The following TBC1D8 variants were observed in gnomAD, a reference collection of about 807,000 sequenced individuals.
TBC1D8 encodes TBC1 domain family member 8, also known as BUB2-like protein 1.
Under a neutral mutation model 118.8 loss-of-function variants are expected in TBC1D8, and 65 were observed. The ratio of observed to expected loss-of-function variants is 0.55; its 90% confidence interval spans 0.45 to 0.67. TBC1D8 has a LOEUF of 0.67. Ranked by LOEUF, TBC1D8 falls within the 30% of genes least tolerant of loss-of-function variation. The probability of loss-of-function intolerance (pLI) is 0.00; values close to 1 mark genes in which losing one functional copy is unlikely to be tolerated. For missense variants in TBC1D8, 1,376 were observed against 1,471.2 expected, an observed-to-expected ratio of 0.94 and a Z score of 1.06; for synonymous variants, 566 against 595.8, an observed-to-expected ratio of 0.95 and a Z score of 0.73.
At chr2:101,106,695 G>A (rs1031626058) in intron 1 of TBC1D8, among the ~76,000 whole-genome samples, 2 of 152,184 alleles carry the variant, frequency 1.3e-5, no homozygotes, top group African/African-American at 4.8e-5. Context: ...ACCATCCTTT[G>A]AATTTTGAAC....
At chr2:101,128,925 G>C (rs1027376464) in intron 1 of TBC1D8, among the ~76,000 whole-genome samples, 1 of 151,102 alleles carries the variant, frequency 6.6e-6, no homozygotes, top group Admixed American at 6.6e-5. Flanking sequence ...TAGAGGGAGG[G>C]AGCAGTGGTT....
chr2:101,059,543 G>T lies in TBC1D8; in HGVS notation c.284-4C>A, dbSNP rs779015335. ...TTGATTTCCTCTAATGTTGCACCTG[G>T]ATTCAAACAGAAAAAGATACAGAGA... On this transcript the variant is annotated splice_polypyrimidine_tract_variant and splice_region_variant and intron_variant, in intron 2 of 19. Transcript: ENST00000409318. The T allele has an allele frequency of 1.6e-5, 25 of 1,597,638 alleles. No individual in the cohort carries two copies. Among genetic ancestry groups the T allele is most frequent in the Non-Finnish European group, 2.1e-5 (24 of 1,167,320 alleles).
At chr2:101,063,880 C>CA (rs916512289) in intron 2 of TBC1D8, among the ~76,000 whole-genome samples, 29 of 142,604 alleles carry the variant, frequency 2.0e-4, no homozygotes, top group South Asian at 2.3e-4. Flanking sequence ...GGGTCATGGC[C>CA]AAAAAAAAAA....
At chr2:101,018,969 C>G (rs1266347428) in intron 17 of TBC1D8, 2 of 1,608,310 alleles carry the variant, frequency 1.2e-6, no homozygotes, top group Non-Finnish European at 1.7e-6. Flanking sequence ...TGACATGGTA[C>G]CAAATCATCT....
At chr2:101,095,426 C>T (rs1465791376) in intron 1 of TBC1D8, among the ~76,000 whole-genome samples, 30 of 143,660 alleles carry the variant, frequency 2.1e-4, no homozygotes, top group Admixed American at 8.4e-4. Flanking sequence ...CAACAGTCCC[C>T]GGTGTGTGAT....
At chr2:101,150,845 T>C (rs1386894166) in intron 1 of TBC1D8, among the ~76,000 whole-genome samples, 1 of 151,902 alleles carries the variant, frequency 6.6e-6, no homozygotes, top group African/African-American at 2.4e-5. Context: ...CTCCTTCGAT[T>C]CCCAAGTCGA....
At chr2:101,063,937 G>A (rs554807677) in intron 2 of TBC1D8, among the ~76,000 whole-genome samples, 30 of 152,050 alleles carry the variant, frequency 2.0e-4, no homozygotes, top group Non-Finnish European at 3.4e-4. Flanking sequence ...GAAGGGTAGA[G>A]AAGAGAAAAC....
chr2:101,033,695 C>T lies in TBC1D8; in HGVS notation c.1667G>A (p.Gly556Glu). The stretch of plus-strand genomic sequence containing the variant: ...CTCCTCGGTTACCAGGCAGCATTTC[C>T]CCAGGGACTCCTCCACCAGATTCCC... Reference protein sequence around the residue: ...YYGNLVEESLGKCCLVTEEIE... With the variant: ...YYGNLVEESLEKCCLVTEEIE... The change falls in exon 10 of 20, where the codon GGG becomes GAG. Residue 556 changes from glycine to glutamate, a missense_variant. Gly to Glu is a moderately conservative substitution (Grantham distance 98). Transcript: ENST00000409318. The T allele has an allele frequency of 6.2e-7, 1 of 1,613,926 alleles. No individual in the cohort carries two copies. The highest frequency in any genetic ancestry group is 8.5e-7 in the Non-Finnish European group (1 of 1,179,878).
intron 5 of TBC1D8, among the ~76,000 whole-genome samples, chr2:101,042,692 C>T (rs551966416): frequency 6.6e-6 from 1 of 151,806 alleles, no homozygotes; most frequent in East Asian, 1.9e-4. Context: ...CATAGTGGGA[C>T]TTCCACTTTC....
chr2:101,017,950 C>T (rs1315558531), intron 17 of TBC1D8: 1 of 1,549,516 alleles, frequency 6.5e-7, no homozygotes, highest in East Asian at 2.4e-5. Context: ...TTCTTCTCTA[C>T]TTGGTGAAAA....
At chr2:101,056,528 A>G (rs1424979823) in intron 3 of TBC1D8, among the ~76,000 whole-genome samples, 3 of 152,230 alleles carry the variant, frequency 2.0e-5, no homozygotes, top group Non-Finnish European at 4.4e-5. Flanking sequence ...CTGGAGGCTG[A>G]TGAAATTTCA....
chr2:101,039,883 C>A (rs1459966438), intron 6 of TBC1D8, among the ~76,000 whole-genome samples: 2 of 151,594 alleles, frequency 1.3e-5, no homozygotes, highest in African/African-American at 2.4e-5. Context: ...TAGGTATGTA[C>A]TTTTTAATAA....
At chr2:101,008,873 A>C (rs1014698568) in intron 19 of TBC1D8, among the ~76,000 whole-genome samples, 1 of 152,120 alleles carries the variant, frequency 6.6e-6, no homozygotes, top group Non-Finnish European at 1.5e-5. Flanking sequence ...TTTAAGCTAG[A>C]GTTTATAATA....
intron 1 of TBC1D8, among the ~76,000 whole-genome samples, chr2:101,110,783 C>T (rs1018876459): frequency 2.0e-5 from 3 of 151,948 alleles, no homozygotes; most frequent in Non-Finnish European, 2.9e-5. Flanking sequence ...CCAGCCTGGC[C>T]AATATGGTGA....
At chr2:101,086,983 C>CAT (rs1558689059) in intron 2 of TBC1D8, among the ~76,000 whole-genome samples, 2 of 151,990 alleles carry the variant, frequency 1.3e-5, no homozygotes, top group African/African-American at 4.8e-5. Flanking sequence ...GGGGTTTCCC[C>CAT]ATGTTGGCCA....
chr2:101,052,617 T>C (rs765357826), intron 4 of TBC1D8, among the ~76,000 whole-genome samples: 30 of 151,868 alleles, frequency 2.0e-4, no homozygotes, highest in Non-Finnish European at 2.5e-4. Flanking sequence ...ACTGGGACCA[T>C]AGGCGTGCAC....
chr2:101,032,156 G>T, intron 11 of TBC1D8, 112 bp downstream of exon 11: 1 of 981,336 alleles, frequency 1.0e-6, no homozygotes, highest in Non-Finnish European at 1.5e-6. Context: ...TTTGCAAACA[G>T]ACTAGCTGAG....
intron 17 of TBC1D8, chr2:101,018,943 T>C: frequency 5.0e-6 from 8 of 1,592,866 alleles, no homozygotes; most frequent in Non-Finnish European, 3.4e-6. Context: ...GGAATGCTCT[T>C]CGTCTGTGTG....
At chr2:101,085,735 T>C (rs951089610) in intron 2 of TBC1D8, among the ~76,000 whole-genome samples, 2 of 152,174 alleles carry the variant, frequency 1.3e-5, no homozygotes, top group African/African-American at 2.4e-5. Context: ...TGCTTCATGC[T>C]CCCTAACAAC....
Sources: gnomAD v4.1 joint callset for allele counts (sites outside exome capture counted in the v4.1 genomes callset) on GRCh38, gnomAD v4.1.1 for gene constraint, MANE v1.5 for transcripts, NCBI Gene and HGNC (gene_info 2026-07-23, HGNC 2026-07-21) for gene names.